CSMD1: variants seen among roughly 807,000 people sequenced by gnomAD.
CSMD1 encodes CUB and Sushi multiple domains 1.
A neutral mutation model predicts 417.5 loss-of-function variants in CSMD1; 213 were observed. The observed-to-expected ratio is 0.51, with a 90% CI of 0.46 to 0.57. The LOEUF is 0.57. Among genes scored for constraint, CSMD1 ranks in the 20% least tolerant of loss-of-function variants. CSMD1 has a pLI of 0.00. For synonymous variants in CSMD1, 2,862 were observed against 1,736.8 expected, an observed-to-expected ratio of 1.65 and a Z score of -16.11; for missense variants, 6,923 against 4,529.7, an observed-to-expected ratio of 1.53 and a Z score of -15.17.
intron 1 of CSMD1, among the ~76,000 whole-genome samples, chr8:4,934,790 C>G (rs1807497434): frequency 6.6e-6 from 1 of 152,048 alleles, no homozygotes; most frequent in Non-Finnish European, 1.5e-5. Context: ...TATCAATCAT[C>G]TATTATCTAT....
intron 47 of CSMD1, among the ~76,000 whole-genome samples, chr8:3,092,600 T>G (rs1442672569): frequency 6.6e-6 from 1 of 152,174 alleles, no homozygotes; most frequent in East Asian, 1.9e-4. Flanking sequence ...CATATCTAGT[T>G]TTTTCATTTT....
intron 8 of CSMD1, among the ~76,000 whole-genome samples, chr8:3,587,605 C>A (rs1800660883): frequency 6.6e-6 from 1 of 152,058 alleles, no homozygotes; most frequent in Non-Finnish European, 1.5e-5. Flanking sequence ...ACCAGCATCC[C>A]CCACGGCATC....
intron 3 of CSMD1, among the ~76,000 whole-genome samples, chr8:4,035,844 T>A (rs971370680): frequency 6.6e-6 from 1 of 152,186 alleles, no homozygotes; most frequent in Non-Finnish European, 1.5e-5. Flanking sequence ...GTACAGTGTT[T>A]ATGAAGTCTA....
chr8:4,739,568 G>C (rs746494808), intron 1 of CSMD1, among the ~76,000 whole-genome samples: 17 of 152,146 alleles, frequency 1.1e-4, no homozygotes, highest in Non-Finnish European at 1.2e-4. Flanking sequence ...AAGATCTTTT[G>C]ACTCTAAATG....
intron 2 of CSMD1, among the ~76,000 whole-genome samples, chr8:4,576,495 T>C (rs1799142487): frequency 6.6e-6 from 1 of 152,220 alleles, no homozygotes; most frequent in South Asian, 2.1e-4. Context: ...ACATACAGTT[T>C]CTAATAAGTA....
intron 3 of CSMD1, among the ~76,000 whole-genome samples, chr8:4,051,618 T>C (rs374462627): frequency 1.3e-5 from 2 of 152,042 alleles, no homozygotes; most frequent in African/African-American, 4.8e-5. Context: ...GGCTTGTAGG[T>C]TTCTGTGGGG....
intron 3 of CSMD1, among the ~76,000 whole-genome samples, chr8:4,177,855 A>C (rs1035787112): frequency 7.2e-5 from 11 of 151,884 alleles, no homozygotes; most frequent in African/African-American, 2.2e-4. Flanking sequence ...TCCTCGACAC[A>C]TACACTCTCC....
intron 6 of CSMD1, among the ~76,000 whole-genome samples, chr8:3,714,880 T>C (rs1482020090): frequency 6.6e-6 from 1 of 152,338 alleles, no homozygotes; most frequent in East Asian, 1.9e-4. Context: ...AAGTGAAACA[T>C]GTTTTGAACA....
intron 1 of CSMD1, among the ~76,000 whole-genome samples, chr8:4,706,666 C>T (rs1057184187): frequency 6.6e-6 from 1 of 152,150 alleles, no homozygotes; most frequent in Non-Finnish European, 1.5e-5. Flanking sequence ...AATTTCTAGT[C>T]ATCAATGTGG....
At position 4,835,794 on chromosome 8, in the gene CSMD1, G is replaced by C. The variant is rs6992041; in HGVS notation, c.85+158538C>G. Among the ~76,000 whole-genome samples the C allele has an allele frequency of 4.5e-3, 679 of 151,286 alleles. 5 individuals carry two copies. The highest frequency in any genetic ancestry group is 0.015 in the African/African-American group (629 of 41,200). ...CTGCAAAAGTGAGTAATTCTCAACA[G>C]TGTTATATCTCATCAAGTATCCAGA... On this transcript the variant is annotated intron_variant, in intron 1 of 69. Transcript: ENST00000635120.
At chr8:3,663,968 T>C (rs1166226284) in intron 7 of CSMD1, among the ~76,000 whole-genome samples, 1 of 152,176 alleles carries the variant, frequency 6.6e-6, no homozygotes, top group Non-Finnish European at 1.5e-5. Context: ...TGTTCAAACA[T>C]TACTAAATCT....
intron 7 of CSMD1, among the ~76,000 whole-genome samples, chr8:3,640,257 A>C (rs1201200160): frequency 6.6e-6 from 1 of 152,216 alleles, no homozygotes; most frequent in African/African-American, 2.4e-5. Flanking sequence ...AGATCAAATA[A>C]ATTCACTGAG....
At chr8:4,806,962 G>A (rs1280865005) in intron 1 of CSMD1, among the ~76,000 whole-genome samples, 2 of 152,094 alleles carry the variant, frequency 1.3e-5, no homozygotes, top group African/African-American at 4.8e-5. Context: ...ATTCTATGTG[G>A]CATTTTGATT....
At chr8:4,487,757 T>A (rs919536913) in intron 2 of CSMD1, among the ~76,000 whole-genome samples, 1 of 152,220 alleles carries the variant, frequency 6.6e-6, no homozygotes, top group East Asian at 1.9e-4. Flanking sequence ...CTAACTGCCT[T>A]AATCGTCTAA....
intron 31 of CSMD1, among the ~76,000 whole-genome samples, chr8:3,202,315 A>G (rs139225467): frequency 1.3e-5 from 2 of 152,372 alleles, no homozygotes; most frequent in African/African-American, 4.8e-5. Flanking sequence ...TATAATGCCA[A>G]ATTCACATTA....
chr8:3,631,888 T>G (rs1489873836), intron 7 of CSMD1, among the ~76,000 whole-genome samples: 1 of 152,166 alleles, frequency 6.6e-6, no homozygotes, highest in Non-Finnish European at 1.5e-5. Flanking sequence ...TAACCTGACT[T>G]TATGCAGAGT....
At position 4,027,218 on chromosome 8, in the gene CSMD1, T is replaced by G. The variant is rs148950810; in HGVS notation, c.610+4687A>C. On this transcript the variant is annotated intron_variant, in intron 4 of 69. Coordinates refer to ENST00000635120, the MANE Select transcript of CSMD1 (RefSeq NM_033225.6). ...GAAGCCCTGTTGAAGGTTTGTACTTTATTCTCATTGAGTCACCAAAGTAGT... is the reference window on the plus strand; with the variant it reads ...GAAGCCCTGTTGAAGGTTTGTACTTGATTCTCATTGAGTCACCAAAGTAGT... 5.5e-3 allele frequency among the ~76,000 whole-genome samples: 832 copies of G among 152,320 alleles called. 5 individuals carry two copies. Among genetic ancestry groups the G allele is most frequent in the Non-Finnish European group, 9.2e-3 (626 of 68,032 alleles).
intron 2 of CSMD1, among the ~76,000 whole-genome samples, chr8:4,534,885 C>A (rs1037029929): frequency 1.2e-4 from 18 of 152,158 alleles, no homozygotes; most frequent in Non-Finnish European, 2.2e-4. Context: ...GCCTCAGCCT[C>A]CCAAGTAGCT....
At chr8:3,567,378 C>T (rs1357671865) in intron 10 of CSMD1, among the ~76,000 whole-genome samples, 1 of 151,056 alleles carries the variant, frequency 6.6e-6, no homozygotes, top group African/African-American at 2.4e-5. Context: ...ACAAGTTTAC[C>T]TATATAACAA....
Sources: gnomAD v4.1 joint callset for allele counts (sites outside exome capture counted in the v4.1 genomes callset) on GRCh38, gnomAD v4.1.1 for gene constraint, MANE v1.5 for transcripts, NCBI Gene and HGNC (gene_info 2026-07-23, HGNC 2026-07-21) for gene names.